The following BCL2 variants were observed in gnomAD, a reference collection of about 807,000 sequenced individuals.
BCL2 encodes the protein apoptosis regulator Bcl-2.
BCL2 carries 1 observed loss-of-function variant against 14.2 expected under a neutral mutation model. The ratio of observed to expected loss-of-function variants is 0.07; its 90% CI spans 0.02 to 0.33. BCL2 has a LOEUF of 0.33. Ranked by LOEUF, BCL2 falls within the 10% of genes least tolerant of loss-of-function variation. BCL2 has a pLI of 0.99. For synonymous variants in BCL2, 151 were observed against 137.2 expected, an observed-to-expected ratio of 1.10 and a Z score of -0.70; for missense variants, 247 against 305.9, an observed-to-expected ratio of 0.81 and a Z score of 1.44.
At chr18:63,133,904 T>C (rs1914139241) in intron 2 of BCL2, among the ~76,000 whole-genome samples, 3 of 152,134 alleles carry the variant, frequency 2.0e-5, no homozygotes, top group Non-Finnish European at 2.9e-5. Flanking sequence ...TGTCTGAAAA[T>C]AGATGACTGA....
At chr18:63,264,156 G>A (rs1374202862) in intron 2 of BCL2, among the ~76,000 whole-genome samples, 2 of 152,146 alleles carry the variant, frequency 1.3e-5, no homozygotes, top group Admixed American at 6.5e-5. Flanking sequence ...CACCTTACCC[G>A]TCTTCACATC....
chr18:63,303,587 T>C lies in BCL2; in HGVS notation c.585+14495A>G, dbSNP rs543460704. 3.3e-5 allele frequency among the ~76,000 whole-genome samples: 5 copies of C among 152,304 alleles called. No individual in the cohort carries two copies. The South Asian group carries it at 1.0e-3, about 32-fold the overall frequency. On this transcript the variant is annotated intron_variant, in intron 2 of 2. Coordinates refer to ENST00000333681, the MANE Select transcript of BCL2 (RefSeq NM_000633.3). ...ATGAACATCACTTGGATTGCCTAAA[T>C]AAAGGATGCTGGTTTTGCCTCTTAC... is the stretch of plus-strand genomic sequence containing the variant.
chr18:63,219,600 C>A (rs368194986), intron 2 of BCL2, among the ~76,000 whole-genome samples: 3 of 151,858 alleles, frequency 2.0e-5, no homozygotes, highest in African/African-American at 4.8e-5. Flanking sequence ...ACTTTTTAAG[C>A]GTAAGCAGAA....
At position 63,211,501 on chromosome 18, in the gene BCL2, C is replaced by G. The variant is rs1910002377; in HGVS notation, c.586-82742G>C. Among the ~76,000 whole-genome samples the G allele has an allele frequency of 2.0e-5, 3 of 152,080 alleles. No homozygotes were observed. The South Asian group carries it at 6.2e-4, about 31-fold the overall frequency. ...ACATTTTTTTATTTGCAGTTTTAAGCTATCTATATATTTTTAAGTCTTCAC... is the reference window on the plus strand; with the variant it reads ...ACATTTTTTTATTTGCAGTTTTAAGGTATCTATATATTTTTAAGTCTTCAC... On this transcript the variant is annotated intron_variant, in intron 2 of 2. Transcript: ENST00000333681.
chr18:63,202,551 C>T (rs1293784311), intron 2 of BCL2, among the ~76,000 whole-genome samples: 6 of 152,128 alleles, frequency 3.9e-5, no homozygotes, highest in Non-Finnish European at 8.8e-5. Flanking sequence ...GCAGATTCTA[C>T]TTGTAAAAGA....
rs1054011206 is a variant in BCL2 at position 63,124,997 on chromosome 18, A to G, written c.*3628T>C. 4 of 221,356 alleles carry G rather than the reference A, an allele frequency of 1.8e-5. No individual in the cohort carries two copies. The highest frequency in any genetic ancestry group is 9.0e-5 in the African/African-American group (4 of 44,666). 13.7% of individuals were successfully genotyped at this position (221,356 alleles called of 1,614,324 possible). On this transcript the variant is annotated 3_prime_UTR_variant, in exon 3 of 3. Coordinates refer to ENST00000333681, the MANE Select transcript of BCL2 (RefSeq NM_000633.3). ...TATTTGTTTTAGGATAAGTTCAATTACAAATAGAGACTATTTGCAATTCTG... is the reference window on the plus strand; with the variant it reads ...TATTTGTTTTAGGATAAGTTCAATTGCAAATAGAGACTATTTGCAATTCTG...
At chr18:63,264,838 C>A (rs1053206130) in intron 2 of BCL2, among the ~76,000 whole-genome samples, 7 of 1,106 alleles carry the variant, frequency 6.3e-3, no homozygotes, top group African/African-American at 0.034. Flanking sequence ...CTTCTCCTAA[C>A]TTCTTTGGTC....
chr18:63,234,546 C>A (rs191451325), intron 2 of BCL2, among the ~76,000 whole-genome samples: 17 of 152,158 alleles, frequency 1.1e-4, no homozygotes, highest in Non-Finnish European at 2.2e-4. Context: ...CAGTCTGGGA[C>A]CTGAGGAACA....
chr18:63,275,157 A>G (rs759447904), intron 2 of BCL2, among the ~76,000 whole-genome samples: 2 of 151,538 alleles, frequency 1.3e-5, no homozygotes, highest in Non-Finnish European at 2.9e-5. Flanking sequence ...CTGAGGCAGG[A>G]GGATTGCTTG....
chr18:63,138,393 CA>C (rs1236970627), intron 2 of BCL2, among the ~76,000 whole-genome samples: 16 of 152,254 alleles, frequency 1.1e-4, no homozygotes, highest in Admixed American at 1.0e-3. Context: ...GTGGCTTTGG[CA>C]GCTGCATGCT....
intron 2 of BCL2, among the ~76,000 whole-genome samples, chr18:63,296,813 G>A (rs1234103557): frequency 6.6e-6 from 1 of 152,198 alleles, no homozygotes; most frequent in African/African-American, 2.4e-5. Context: ...AAAAGGAAAG[G>A]TCTTTCTATC....
At chr18:63,250,532 A>G (rs1911279958) in intron 2 of BCL2, among the ~76,000 whole-genome samples, 2 of 152,246 alleles carry the variant, frequency 1.3e-5, no homozygotes, top group Admixed American at 6.5e-5. Flanking sequence ...TTTTCATTGT[A>G]TACACAAAAG....
At chr18:63,151,689 T>C (rs1914655681) in intron 2 of BCL2, among the ~76,000 whole-genome samples, 1 of 152,152 alleles carries the variant, frequency 6.6e-6, no homozygotes, top group Non-Finnish European at 1.5e-5. Context: ...TTCTCATAGT[T>C]CTCAGTCATG....
At chr18:63,255,050 T>C (rs1052735894) in intron 2 of BCL2, among the ~76,000 whole-genome samples, 7 of 152,140 alleles carry the variant, frequency 4.6e-5, no homozygotes. Flanking sequence ...CGGCTGCCAG[T>C]TTGATTCCGA....
intron 2 of BCL2, among the ~76,000 whole-genome samples, chr18:63,177,323 C>G (rs774903636): frequency 2.6e-5 from 4 of 152,172 alleles, no homozygotes; most frequent in Non-Finnish European, 5.9e-5. Context: ...TCAGCCATAC[C>G]TTTGCATATT....
At chr18:63,294,119 T>C (rs998261681) in intron 2 of BCL2, among the ~76,000 whole-genome samples, 1 of 152,148 alleles carries the variant, frequency 6.6e-6, no homozygotes, top group Non-Finnish European at 1.5e-5. Context: ...TGCCTTGGTA[T>C]GTAGACCAAA....
intron 2 of BCL2, among the ~76,000 whole-genome samples, chr18:63,245,414 A>C (rs1173980862): frequency 2.0e-5 from 3 of 152,220 alleles, no homozygotes; most frequent in Non-Finnish European, 4.4e-5. Flanking sequence ...ATAGATTTCA[A>C]AGACTCATCC....
intron 2 of BCL2, among the ~76,000 whole-genome samples, chr18:63,280,448 G>A (rs542343954): frequency 4.9e-4 from 75 of 152,222 alleles, no homozygotes; most frequent in South Asian, 1.7e-3. Flanking sequence ...ACGGATTAAC[G>A]TCCAGAATAT....
At chr18:63,221,906 G>A (rs11875686) in intron 2 of BCL2, among the ~76,000 whole-genome samples, 3,400 of 152,228 alleles carry the variant, frequency 0.022, 121 homozygotes, top group African/African-American at 0.078. Flanking sequence ...TAGGATCATT[G>A]AAAGTCCTTA....
Sources: gnomAD v4.1 joint callset for allele counts (sites outside exome capture counted in the v4.1 genomes callset) on GRCh38, gnomAD v4.1.1 for gene constraint, MANE v1.5 for transcripts, NCBI Gene and HGNC (gene_info 2026-07-23, HGNC 2026-07-21) for gene names.